Variants in IGSF23 observed in about 807,000 individuals in gnomAD.
IGSF23 encodes immunoglobulin superfamily member 23.
Under a neutral mutation model 17.8 loss-of-function variants are expected in IGSF23, and 14 were observed. The observed-to-expected ratio is 0.79, with a 90% CI of 0.52 to 1.23. The LOEUF (loss-of-function observed/expected upper bound fraction) is 1.23. Among genes scored for constraint, IGSF23 ranks in the 50% most tolerant of loss-of-function variants. IGSF23 has a pLI of 0.00. For missense variants in IGSF23, 214 were observed against 241.7 expected (o/e 0.89, Z 0.76); for synonymous variants, 85 against 92.5 (o/e 0.92, Z 0.46).
At chr19:44,613,927 G>A (rs1599724885) in intron 1 of IGSF23, 157 bp downstream of exon 1, 2 of 1,547,466 alleles carry the variant, frequency 1.3e-6, no homozygotes, top group Non-Finnish European at 8.7e-7. Context: ...CAGAACACGA[G>A]ATGAGGGGTC....
intron 3 of IGSF23, among the ~76,000 whole-genome samples, chr19:44,634,815 G>GAA (rs61334428): frequency 1.7e-5 from 2 of 118,852 alleles, no homozygotes; most frequent in Non-Finnish European, 1.9e-5. Context: ...AAAGAAAAAA[G>GAA]AAAAAAAAAA....
intron 3 of IGSF23, among the ~76,000 whole-genome samples, chr19:44,628,101 C>T (rs980892426): frequency 1.2e-4 from 18 of 152,088 alleles, no homozygotes; most frequent in African/African-American, 2.7e-4. Context: ...CATACCACCA[C>T]GCCTGGCTAA....
At position 44,631,981 on chromosome 19, in the gene IGSF23, C is replaced by CG. The variant is rs554930357; in HGVS notation, c.546-3413dup. 5.2e-3 allele frequency among the ~76,000 whole-genome samples: 789 copies of CG among 152,146 alleles called. 4 individuals carry two copies. Among genetic ancestry groups the CG allele is most frequent in the African/African-American group, 0.018 (739 of 41,520 alleles). On this transcript the variant is annotated intron_variant, in intron 3 of 4. Coordinates refer to ENST00000402988, the MANE Select transcript of IGSF23 (RefSeq NM_001205280.2). The stretch of plus-strand genomic sequence containing the variant: ...GGGGCCAGTTTATGGCCAGGTTTTG[C>CG]GGGGGGGCCTGTTGGTGCAATTTAA...
intron 1 of IGSF23, among the ~76,000 whole-genome samples, chr19:44,617,559 TA>T (rs1197273313): frequency 6.6e-6 from 1 of 152,212 alleles, no homozygotes; most frequent in African/African-American, 2.4e-5. Flanking sequence ...TTGTTAATTT[TA>T]AAAAGAAAAA....
chr19:44,619,741 T>G (rs1972470424), intron 1 of IGSF23, among the ~76,000 whole-genome samples: 2 of 152,302 alleles, frequency 1.3e-5, no homozygotes, highest in Middle Eastern at 6.8e-3. Context: ...TCTCTCTGTG[T>G]GTCCAAACTT....
intron 1 of IGSF23, among the ~76,000 whole-genome samples, chr19:44,617,812 C>A (rs1972419143): frequency 6.6e-6 from 1 of 152,032 alleles, no homozygotes; most frequent in Non-Finnish European, 1.5e-5. Flanking sequence ...AGGACCCAGC[C>A]AACTGTAGGA....
rs1446033587 is a variant in IGSF23, at chr19:44,613,616, A to T, written c.-30A>T. The T allele has an allele frequency of 2.6e-6, 4 of 1,518,450 alleles. No homozygotes were observed. The highest frequency in any genetic ancestry group is 1.4e-5 in the African/African-American group (1 of 72,390). 94.1% of individuals were successfully genotyped at this position (1,518,450 alleles called of 1,614,324 possible). The stretch of plus-strand genomic sequence containing the variant: ...AGCGGGCGATTCTGCTTCTCCCTCC[A>T]TCTCCCGGCGGGGATTGTACGGTGA... On this transcript the variant is annotated 5_prime_UTR_variant, in exon 1 of 5. Coordinates refer to ENST00000402988, the MANE Select transcript of IGSF23 (RefSeq NM_001205280.2).
intron 2 of IGSF23, 114 bp downstream of exon 2, chr19:44,624,086 G>A (rs571099870): frequency 1.3e-5 from 12 of 910,044 alleles, no homozygotes; most frequent in Non-Finnish European, 1.8e-5. Flanking sequence ...TCCCCTGTGA[G>A]ACCCTTTATA....
intron 1 of IGSF23, among the ~76,000 whole-genome samples, chr19:44,619,041 T>A (rs1222505309): frequency 6.6e-6 from 1 of 151,192 alleles, no homozygotes; most frequent in Non-Finnish European, 1.5e-5. Context: ...GGTGGAAGTG[T>A]AATGCCAGCA....
intron 1 of IGSF23, among the ~76,000 whole-genome samples, chr19:44,616,566 G>A (rs539901697): frequency 4.4e-4 from 67 of 151,628 alleles, no homozygotes; most frequent in Non-Finnish European, 7.9e-4. Context: ...GCGTGGTGGC[G>A]CACGCCTGTA....
At chr19:44,635,277 A>T in intron 3 of IGSF23, 124 bp from the exon 4 acceptor site, 1 of 724,126 alleles carries the variant, frequency 1.4e-6, no homozygotes, top group Non-Finnish European at 2.3e-6. Context: ...ATCTCCAAAT[A>T]TAGTCACATT....
At chr19:44,623,537 T>A (rs1193185308) in intron 1 of IGSF23, among the ~76,000 whole-genome samples, 170 bp from the exon 2 acceptor site, 2 of 152,182 alleles carry the variant, frequency 1.3e-5, no homozygotes, top group Admixed American at 1.3e-4. Context: ...GGCAAGGGGT[T>A]GGACTGGGGG....
chr19:44,630,676 C>G (rs911988297), intron 3 of IGSF23, among the ~76,000 whole-genome samples: 1 of 152,238 alleles, frequency 6.6e-6, no homozygotes, highest in African/African-American at 2.4e-5. Context: ...AGGAGCTAGC[C>G]TCATCCAATC....
intron 1 of IGSF23, among the ~76,000 whole-genome samples, chr19:44,621,962 T>G (rs1318202303): frequency 6.6e-6 from 1 of 151,904 alleles, no homozygotes; most frequent in Non-Finnish European, 1.5e-5. Flanking sequence ...TGGTTCATGC[T>G]TGTAATCCCA....
At chr19:44,625,508 G>A (rs148157413) in intron 2 of IGSF23, among the ~76,000 whole-genome samples, 255 of 152,178 alleles carry the variant, frequency 1.7e-3, no homozygotes, top group African/African-American at 5.8e-3. Flanking sequence ...GTAACTTAGC[G>A]CAAGTGACTT....
chr19:44,618,223 A>G, intron 1 of IGSF23: 1 of 470,790 alleles, frequency 2.1e-6, no homozygotes, highest in Non-Finnish European at 4.4e-6. Context: ...TTCTGAGGGT[A>G]TGACGCCCAG....
chr19:44,623,591 T>C, intron 1 of IGSF23, 116 bp from the exon 2 acceptor site: 1 of 1,077,308 alleles, frequency 9.3e-7, no homozygotes. Context: ...CATGGGTGAA[T>C]TAATGAATGA....
Position 44,618,026 on chromosome 19 carries a change from G to C in IGSF23, c.125+4256G>C, listed in dbSNP as rs149704746. On this transcript the variant is annotated intron_variant, in intron 1 of 4. Transcript: ENST00000402988. Reference sequence around the variant, plus strand: ...GTATAATATACGTGCGTGCTTCAAGGGGTCAAGGAGAGGAATCAATGATTC... The same window carrying C: ...GTATAATATACGTGCGTGCTTCAAGCGGTCAAGGAGAGGAATCAATGATTC... The C allele has an allele frequency of 7.1e-5, 33 of 467,850 alleles. No individual in the cohort carries two copies. The East Asian group carries it at 2.2e-3, about 32-fold the overall frequency. 29.0% of individuals were successfully genotyped at this position (467,850 alleles called of 1,614,324 possible).
chr19:44,624,576 C>T (rs373114124), intron 2 of IGSF23, among the ~76,000 whole-genome samples: 4 of 152,158 alleles, frequency 2.6e-5, no homozygotes, highest in East Asian at 1.9e-4. Context: ...TGAGCCACCT[C>T]GCCCAGCCAA....
Sources: allele counts gnomAD v4.1 joint callset (sites outside exome capture counted in the v4.1 genomes callset), GRCh38; gene constraint gnomAD v4.1.1; transcripts MANE v1.5; gene names NCBI Gene and HGNC (gene_info 2026-07-23, HGNC 2026-07-21).